The following PAK2 variants were observed in gnomAD, a reference collection of about 807,000 sequenced individuals.
The protein encoded by PAK2 is serine/threonine-protein kinase PAK 2.
Under a neutral mutation model 65.9 loss-of-function variants are expected in PAK2, and 21 were observed. The observed-to-expected ratio is 0.32, with a 90% CI of 0.23 to 0.46. The LOEUF is 0.46. Ranked by LOEUF, PAK2 falls within the 20% of genes least tolerant of loss-of-function variation. The pLI, the probability that PAK2 is intolerant of heterozygous loss-of-function variation, is 1.00. For synonymous variants in PAK2, 204 were observed against 219.7 expected (o/e 0.93, Z 0.63); for missense variants, 324 against 642.6 (o/e 0.50, Z 5.36).
At chr3:196,787,426 A>G (rs1463786172) in intron 2 of PAK2, among the ~76,000 whole-genome samples, 2 of 151,906 alleles carry the variant, frequency 1.3e-5, no homozygotes, top group Non-Finnish European at 2.9e-5. Flanking sequence ...TAAAAATACA[A>G]AAATTAGCCA....
chr3:196,777,391 A>G (rs755607283), intron 1 of PAK2, among the ~76,000 whole-genome samples: 2 of 151,956 alleles, frequency 1.3e-5, no homozygotes. Flanking sequence ...TTTAGTATAG[A>G]CGGGGTTTCA....
At chr3:196,818,388 A>ATGTCT (rs905054814) in intron 12 of PAK2, among the ~76,000 whole-genome samples, 1 of 152,058 alleles carries the variant, frequency 6.6e-6, no homozygotes, top group African/African-American at 2.4e-5. Flanking sequence ...TTATTAGGTA[A>ATGTCT]TGTCTTGTCT....
At chr3:196,759,525 T>TTTTTTTTTTTG (rs1713891684) in intron 1 of PAK2, among the ~76,000 whole-genome samples, 5 of 131,628 alleles carry the variant, frequency 3.8e-5, no homozygotes, top group Admixed American at 8.4e-5. Flanking sequence ...TTTTTTTTTT[T>TTTTTTTTTTTG]TTTTTTTTTT....
In PAK2 at chr3:196,791,361, A is replaced by G. The variant is rs1411802422; in HGVS notation, c.187+8528A>G. Among the ~76,000 whole-genome samples the G allele has an allele frequency of 1.3e-5, 2 of 152,102 alleles. No individual in the cohort carries two copies. The highest frequency in any genetic ancestry group is 2.4e-5 in the African/African-American group (1 of 41,430). ...TTTTTAGGATTTTATGTTTATTTTG[A>G]ATGATCTAATGTGGCTCTATCTCAA... On this transcript the variant is annotated intron_variant, in intron 2 of 14. Coordinates refer to ENST00000327134, the MANE Select transcript of PAK2 (RefSeq NM_002577.4). The surrounding 1 kb of genome is among the most constrained non-coding windows in gnomAD (Gnocchi z 4.0).
intron 1 of PAK2, among the ~76,000 whole-genome samples, chr3:196,748,453 C>T (rs1027995040): frequency 5.9e-5 from 9 of 152,168 alleles, no homozygotes; most frequent in Admixed American, 1.3e-4. Context: ...GACTGGTTTC[C>T]GCACCTTAAA....
chr3:196,780,533 A>G (rs1261144466), intron 1 of PAK2, among the ~76,000 whole-genome samples: 3 of 152,222 alleles, frequency 2.0e-5, no homozygotes, highest in South Asian at 2.1e-4. Context: ...ACTTGCCCTC[A>G]TAATTCATTT....
At chr3:196,799,657 G>A (rs1249280990) in intron 2 of PAK2, among the ~76,000 whole-genome samples, 1 of 152,144 alleles carries the variant, frequency 6.6e-6, no homozygotes, top group African/African-American at 2.4e-5. Flanking sequence ...TGAGCCAAAT[G>A]AACTTTTATT....
chr3:196,789,405 C>T (rs1317012296), intron 2 of PAK2, among the ~76,000 whole-genome samples: 2 of 152,096 alleles, frequency 1.3e-5, no homozygotes, highest in Non-Finnish European at 2.9e-5. Flanking sequence ...TACTTCTCTG[C>T]CTATTTCCTA....
intron 13 of PAK2, among the ~76,000 whole-genome samples, chr3:196,824,951 A>G (rs1711782406): frequency 6.6e-6 from 1 of 152,228 alleles, no homozygotes; most frequent in South Asian, 2.1e-4. Context: ...TAATGTAGAC[A>G]ATAATAAAAC....
At chr3:196,740,739 T>C (rs1398231458) in intron 1 of PAK2, among the ~76,000 whole-genome samples, 1 of 152,206 alleles carries the variant, frequency 6.6e-6, no homozygotes, top group African/African-American at 2.4e-5. Context: ...AACTGATCTT[T>C]CGGAGCTTCT....
chr3:196,794,940 G>A (rs1345424244), intron 2 of PAK2, among the ~76,000 whole-genome samples: 1 of 152,126 alleles, frequency 6.6e-6, no homozygotes, highest in East Asian at 1.9e-4. Context: ...AGGCTCGGGG[G>A]TGAGGAAAAG....
chr3:196,752,145 A>G (rs1375222392), intron 1 of PAK2, among the ~76,000 whole-genome samples: 2 of 152,110 alleles, frequency 1.3e-5, no homozygotes, highest in African/African-American at 4.8e-5. Context: ...TCTAGCCCCA[A>G]GCATTTTGCA....
chr3:196,769,103 G>C (rs1158992226), intron 1 of PAK2, among the ~76,000 whole-genome samples: 1 of 152,054 alleles, frequency 6.6e-6, no homozygotes. Flanking sequence ...AAGGAGGATG[G>C]ATCAGTTGAG....
chr3:196,766,091 T>A (rs2108725650), intron 1 of PAK2, among the ~76,000 whole-genome samples: 1 of 152,106 alleles, frequency 6.6e-6, no homozygotes, highest in Non-Finnish European at 1.5e-5. Context: ...GAGATGAGGT[T>A]TCACCATGCT....
intron 1 of PAK2, among the ~76,000 whole-genome samples, chr3:196,751,687 ATAT>A (rs1560089825): frequency 0.053 from 4,178 of 78,424 alleles, 641 homozygotes; most frequent in Non-Finnish European, 0.072. Context: ...ATATATATAT[ATAT>A]ATATAATTCA....
rs1230103487 is a variant in PAK2 at position 196,831,239 on chromosome 3, T to C, written c.*2834T>C. The C allele has an allele frequency of 6.6e-6, 1 of 152,194 alleles. No individual in the cohort carries two copies. The highest frequency in any genetic ancestry group is 6.5e-5 in the Admixed American group (1 of 15,276). 9.4% of individuals were successfully genotyped at this position (152,194 alleles called of 1,614,324 possible). On this transcript the variant is annotated 3_prime_UTR_variant, in exon 15 of 15. Coordinates refer to ENST00000327134, the MANE Select transcript of PAK2 (RefSeq NM_002577.4). ...ATATTTACCCTTTTTGTCATCACTT[T>C]AGAATGAAAATTCCCATTTAAATCT...
At chr3:196,747,933 A>G (rs1256031609) in intron 1 of PAK2, among the ~76,000 whole-genome samples, 1 of 152,030 alleles carries the variant, frequency 6.6e-6, no homozygotes, top group Non-Finnish European at 1.5e-5. Context: ...TTTGAAAGAG[A>G]TCTTTCATGA....
intron 12 of PAK2, among the ~76,000 whole-genome samples, chr3:196,819,038 A>T (rs1041014957): frequency 3.9e-5 from 6 of 152,236 alleles, no homozygotes; most frequent in South Asian, 2.1e-4. Context: ...CGCAGTAAGT[A>T]CAAGGATGTT....
intron 1 of PAK2, among the ~76,000 whole-genome samples, chr3:196,781,172 G>A (rs1447051260): frequency 1.3e-5 from 2 of 152,140 alleles, no homozygotes; most frequent in Admixed American, 6.6e-5. Flanking sequence ...TGAACAGTTA[G>A]CATTCTTTTC....
Sources: gnomAD v4.1 joint callset for allele counts (sites outside exome capture counted in the v4.1 genomes callset) on GRCh38, gnomAD v4.1.1 for gene constraint, Gnocchi (gnomAD v3.1) non-coding constraint, MANE v1.5 for transcripts, NCBI Gene and HGNC (gene_info 2026-07-23, HGNC 2026-07-21) for gene names.